CTNND2: variants seen among roughly 807,000 people sequenced by gnomAD.
The protein encoded by CTNND2 is catenin delta 2, also known as catenin delta-2.
A neutral mutation model predicts 144.4 loss-of-function variants in CTNND2; 22 were observed. The ratio of observed to expected loss-of-function variants is 0.15; its 90% CI spans 0.11 to 0.22. The LOEUF is 0.22. CTNND2 is among the 10% of genes least tolerant of loss of function. The probability of loss-of-function intolerance (pLI) is 1.00; values close to 1 mark genes in which losing one functional copy is unlikely to be tolerated. For synonymous variants in CTNND2, 751 were observed against 695.6 expected (o/e 1.08, Z -1.25); for missense variants, 1,353 against 1,618.8 (o/e 0.84, Z 2.82).
At chr5:11,338,307 G>A (rs1221229390) in intron 9 of CTNND2, among the ~76,000 whole-genome samples, 1 of 152,184 alleles carries the variant, frequency 6.6e-6, no homozygotes, top group South Asian at 2.1e-4. Context: ...TAGAGAACTG[G>A]AACATGGGTC....
At chr5:11,587,034 T>C (rs955605349) in intron 2 of CTNND2, among the ~76,000 whole-genome samples, 4 of 152,158 alleles carry the variant, frequency 2.6e-5, no homozygotes, top group Admixed American at 6.5e-5. Flanking sequence ...GTTAACTTAA[T>C]TGCGTTTTTA....
chr5:11,491,912 T>C (rs1769425909), intron 3 of CTNND2, among the ~76,000 whole-genome samples: 1 of 152,214 alleles, frequency 6.6e-6, no homozygotes. Context: ...CTCTAGACAC[T>C]CTGCTGTCAC....
chr5:11,579,866 T>C (rs1001731253), intron 2 of CTNND2, among the ~76,000 whole-genome samples: 7 of 152,172 alleles, frequency 4.6e-5, no homozygotes, highest in Non-Finnish European at 7.3e-5. Flanking sequence ...ACCACTGGCC[T>C]CCCCGGCTGC....
chr5:11,091,232 T>C (rs184027920), intron 15 of CTNND2, among the ~76,000 whole-genome samples: 21 of 152,330 alleles, frequency 1.4e-4, no homozygotes, highest in African/African-American at 4.3e-4. Context: ...GCTTCTATTG[T>C]CTTCAAGTTC....
chr5:11,193,344 T>A (rs962543262), intron 11 of CTNND2, among the ~76,000 whole-genome samples: 1 of 152,210 alleles, frequency 6.6e-6, no homozygotes, highest in African/African-American at 2.4e-5. Flanking sequence ...AATTTCTCCA[T>A]GGGAATTTGA....
chr5:11,210,607 A>C (rs192656174), intron 10 of CTNND2, among the ~76,000 whole-genome samples: 1 of 152,310 alleles, frequency 6.6e-6, no homozygotes, highest in Admixed American at 6.5e-5. Flanking sequence ...TATGTGGCAA[A>C]GCTAAAGTCA....
chr5:11,353,355 T>C (rs1755526331), intron 8 of CTNND2, among the ~76,000 whole-genome samples: 1 of 152,204 alleles, frequency 6.6e-6, no homozygotes, highest in South Asian at 2.1e-4. Flanking sequence ...TCTCCTCCAC[T>C]GTTCGGCACT....
In CTNND2 at chr5:11,765,720, T is replaced by C. The variant is rs144157959; in HGVS notation, c.38-33448A>G. ...AATGAGATGTAGAGGAGGGGATAAATTGGAGATGCAAGGAATTCACCTCCA... is the reference window on the plus strand; with the variant it reads ...AATGAGATGTAGAGGAGGGGATAAACTGGAGATGCAAGGAATTCACCTCCA... On this transcript the variant is annotated intron_variant, in intron 1 of 21. Coordinates refer to ENST00000304623, the MANE Select transcript of CTNND2 (RefSeq NM_001332.4). 9.3e-3 allele frequency among the ~76,000 whole-genome samples: 1,413 copies of C among 152,246 alleles called. 11 individuals carry two copies. The highest frequency in any genetic ancestry group is 0.019 in the South Asian group (91 of 4,824).
intron 1 of CTNND2, among the ~76,000 whole-genome samples, chr5:11,759,058 T>C (rs980026846): frequency 6.6e-6 from 1 of 152,072 alleles, no homozygotes; most frequent in African/African-American, 2.4e-5. Context: ...ACTTTGACTT[T>C]ATGTAAAAAA....
intron 3 of CTNND2, among the ~76,000 whole-genome samples, chr5:11,505,857 T>C (rs1198514888): frequency 6.6e-6 from 1 of 152,188 alleles, no homozygotes; most frequent in Non-Finnish European, 1.5e-5. Flanking sequence ...TCTGGAGTAA[T>C]GACGCAGGCC....
chr5:11,701,951 T>A (rs954998369), intron 2 of CTNND2, among the ~76,000 whole-genome samples: 1 of 152,168 alleles, frequency 6.6e-6, no homozygotes, highest in African/African-American at 2.4e-5. Flanking sequence ...ACTGTGTCTA[T>A]AAACTCAGCC....
chr5:11,049,535 C>A lies in CTNND2; in HGVS notation c.2789-26556G>T, dbSNP rs547050692. ...TAACTCTCCAGTGCCAAGGAAATAT[C>A]ACCCTCCCCACGGATACCCTGGCAA... On this transcript the variant is annotated intron_variant, in intron 16 of 21. Transcript: ENST00000304623. 3.3e-5 allele frequency among the ~76,000 whole-genome samples: 5 copies of A among 152,304 alleles called. No individual in the cohort carries two copies. The South Asian group carries it at 1.0e-3, about 32-fold the overall frequency.
At chr5:11,097,906 A>C (rs1751509790) in intron 15 of CTNND2, among the ~76,000 whole-genome samples, 1 of 152,196 alleles carries the variant, frequency 6.6e-6, no homozygotes, top group Admixed American at 6.5e-5. Context: ...AAAGCAAATT[A>C]GCGCATTGGT....
intron 12 of CTNND2, among the ~76,000 whole-genome samples, chr5:11,153,243 C>T (rs1406425931): frequency 6.6e-6 from 1 of 152,046 alleles, no homozygotes; most frequent in Admixed American, 6.5e-5. Context: ...GCCTGGGCAA[C>T]AGAGCAAGAC....
intron 2 of CTNND2, among the ~76,000 whole-genome samples, chr5:11,679,477 G>A (rs993213041): frequency 1.8e-4 from 28 of 152,122 alleles, no homozygotes; most frequent in African/African-American, 5.6e-4. Flanking sequence ...TTATTAGCAG[G>A]TTTCTCTGAA....
At chr5:11,326,588 G>A (rs1196705335) in intron 9 of CTNND2, among the ~76,000 whole-genome samples, 2 of 152,142 alleles carry the variant, frequency 1.3e-5, no homozygotes, top group African/African-American at 2.4e-5. Flanking sequence ...CAGTACTGCT[G>A]CCTTCTAGGT....
chr5:11,841,008 C>T (rs1344226088), intron 1 of CTNND2, among the ~76,000 whole-genome samples: 2 of 152,098 alleles, frequency 1.3e-5, no homozygotes, highest in African/African-American at 2.4e-5. Context: ...GCCAGGAATA[C>T]ATTTTCATTG....
intron 1 of CTNND2, among the ~76,000 whole-genome samples, chr5:11,891,801 T>G (rs1225552558): frequency 6.6e-6 from 1 of 152,214 alleles, no homozygotes; most frequent in Non-Finnish European, 1.5e-5. Context: ...TATGACAGTC[T>G]TGGAAAAAAT....
intron 3 of CTNND2, among the ~76,000 whole-genome samples, chr5:11,478,990 AC>A (rs1222478876): frequency 6.6e-6 from 1 of 152,160 alleles, no homozygotes; most frequent in East Asian, 1.9e-4. Context: ...AGAGAGGAAA[AC>A]ATAATTTAAC....
Sources: gnomAD v4.1 joint callset for allele counts (sites outside exome capture counted in the v4.1 genomes callset) on GRCh38, gnomAD v4.1.1 for gene constraint, MANE v1.5 for transcripts, NCBI Gene and HGNC (gene_info 2026-07-23, HGNC 2026-07-21) for gene names.